The following CCDC88A variants were observed in gnomAD, a reference collection of about 807,000 sequenced individuals.
The protein encoded by CCDC88A is girdin.
A neutral mutation model predicts 234.3 loss-of-function variants in CCDC88A; 54 were observed. The observed-to-expected ratio is 0.23, with a 90% confidence interval of 0.19 to 0.29. CCDC88A has a LOEUF of 0.29. Among genes scored for constraint, CCDC88A ranks in the 10% least tolerant of loss-of-function variants. The probability of loss-of-function intolerance (pLI) is 1.00; values close to 1 mark genes in which losing one functional copy is unlikely to be tolerated. For synonymous variants in CCDC88A, 753 were observed against 737.8 expected (o/e 1.02, Z -0.33); for missense variants, 1,832 against 2,123.4 (o/e 0.86, Z 2.70).
At chr2:55,390,161 G>GT (rs1676414174) in intron 2 of CCDC88A, among the ~76,000 whole-genome samples, 1 of 135,846 alleles carries the variant, frequency 7.4e-6, no homozygotes, top group African/African-American at 2.7e-5. Context: ...TTAGAAAACT[G>GT]AGTGGTATCG....
chr2:55,390,928 C>A (rs1391078929), intron 2 of CCDC88A, among the ~76,000 whole-genome samples: 1 of 152,130 alleles, frequency 6.6e-6, no homozygotes, highest in Non-Finnish European at 1.5e-5. Flanking sequence ...ATGCCTGAGG[C>A]CAGGTATTCA....
intron 5 of CCDC88A, 147 bp downstream of exon 5, chr2:55,372,305 C>T (rs1660750470): frequency 2.0e-6 from 1 of 487,900 alleles, no homozygotes; most frequent in Non-Finnish European, 3.7e-6. Context: ...ATGTAATCTC[C>T]TTAGGAGGTT....
In CCDC88A at chr2:55,334,604, CT is replaced by C; in HGVS notation, c.2216del (p.Lys739ArgfsTer6). On this transcript the variant is annotated frameshift_variant, in exon 15 of 33. Transcript: ENST00000436346. LOFTEE classifies it high-confidence loss of function. The surrounding 1 kb of genome is among the most constrained non-coding windows in gnomAD (Gnocchi z 6.1). ...ELESEKEQLK[K>X]GLELLKASFK... Reference sequence around the variant, plus strand: ...AAGATGCTTTCAGGAGCTCCAAACCCTTCTTAAGTTGCTCTTTTTCACTTTC... The same window carrying C: ...AAGATGCTTTCAGGAGCTCCAAACCCTCTTAAGTTGCTCTTTTTCACTTTC... 6.2e-7 allele frequency: 1 copy of C among 1,613,552 alleles called. No homozygotes were observed. The highest frequency in any genetic ancestry group is 8.5e-7 in the Non-Finnish European group (1 of 1,179,840).
At chr2:55,345,135 A>G (rs536070901) in intron 10 of CCDC88A, among the ~76,000 whole-genome samples, 96 of 152,336 alleles carry the variant, frequency 6.3e-4, no homozygotes, top group African/African-American at 2.3e-3. Flanking sequence ...AGACAGTGGT[A>G]TTCATGAGAA....
rs755554752 is a variant in CCDC88A at position 55,343,651 on chromosome 2, C to T, written c.1330G>A (p.Glu444Lys). 23 of 1,595,906 alleles carry T rather than the reference C, an allele frequency of 1.4e-5. No individual in the cohort carries two copies. Among genetic ancestry groups the T allele is most frequent in the Admixed American group, 1.4e-4 (8 of 55,720 alleles). The change falls in exon 12 of 33, where the codon GAA (glutamate) becomes AAA (lysine). Residue 444 changes from glutamate (E) to lysine (K), a missense_variant. Transcript: ENST00000436346. ...AAATTAAAAAAATTGGGAATACCTT[C>T]GGAAAGTTCACTAGTTCTGGATATC... ...EQISRTSELS[E>K]APQKSLGHEV...
At chr2:55,294,469 T>C (rs1278311702) in intron 31 of CCDC88A, 2 of 863,468 alleles carry the variant, frequency 2.3e-6, no homozygotes, top group African/African-American at 3.7e-5. Context: ...TTAGTTAATA[T>C]TTGTTATATA....
intron 7 of CCDC88A, among the ~76,000 whole-genome samples, chr2:55,357,075 T>C (rs1670678142): frequency 1.3e-5 from 2 of 152,204 alleles, no homozygotes; most frequent in South Asian, 2.1e-4. Context: ...TCTTGAATTA[T>C]GAACAACGGT....
In CCDC88A at chr2:55,384,522, T is replaced by TATATATGCGTATATACAC. The variant is rs1675142952; in HGVS notation, c.273+4255_273+4256insGTGTATATACGCATATAT. Among the ~76,000 whole-genome samples the TATATATGCGTATATACAC allele has an allele frequency of 2.0e-4, 2 of 10,006 alleles. 1 individual carries two copies. Among genetic ancestry groups the TATATATGCGTATATACAC allele is most frequent in the African/African-American group, 8.7e-4 (2 of 2,306 alleles). The allele number at this position is 10,006 out of a possible 152,430, so 6.6% of individuals were successfully genotyped here. ...TATATTGAATATTATATATAAATTA[T>TATATATGCGTATATACAC]ATATATATACATATATACGTATATA... On this transcript the variant is annotated intron_variant, in intron 3 of 32. Transcript: ENST00000436346.
Position 55,344,353 on chromosome 2 carries a change from C to T in CCDC88A, c.1188+15G>A, listed in dbSNP as rs2104723353. On this transcript the variant is annotated intron_variant, in intron 11 of 32. Coordinates refer to ENST00000436346, the MANE Select transcript of CCDC88A (RefSeq NM_001365480.1). ...CCTTAAAGGCCATGTAACTGATCTA[C>T]CTCTTAAAACTTACCATTTCCATAT... 3 of 1,540,278 alleles carry T rather than the reference C, an allele frequency of 1.9e-6. No individual in the cohort carries two copies. The highest frequency in any genetic ancestry group is 2.6e-5 in the South Asian group (2 of 77,924).
intron 31 of CCDC88A, chr2:55,295,259 GGCAGAA>G (rs1182117222): frequency 1.5e-6 from 2 of 1,365,890 alleles, no homozygotes; most frequent in Non-Finnish European, 1.9e-6. Flanking sequence ...TATCCAAAGA[GGCAGAA>G]GCCTGGTCAG....
chr2:55,372,483 A>T lies in CCDC88A; in HGVS notation c.371T>A (p.Leu124Gln). 1.3e-6 allele frequency: 2 copies of T among 1,529,226 alleles called. No homozygotes were observed. The highest frequency in any genetic ancestry group is 1.8e-6 in the Non-Finnish European group (2 of 1,108,182). 94.7% of individuals were successfully genotyped at this position (1,529,226 alleles called of 1,614,324 possible). A position where few individuals can be genotyped will look rare whatever the true frequency, so the allele number is the denominator to read the frequency against. ...SEQGTEEVKK[L>Q]LLLLLGCAVQ... ...TGCACAACCCAATAAAAGTAAAAGC[A>T]GTTTTTTAACTTCTTCTGTGCCTTG... The change falls in exon 5 of 33, where the codon CTG becomes CAG. Residue 124 changes from leucine to glutamine, a missense_variant. Coordinates refer to ENST00000436346, the MANE Select transcript of CCDC88A (RefSeq NM_001365480.1).
chr2:55,298,888 A>C (rs1200020079), intron 29 of CCDC88A, among the ~76,000 whole-genome samples: 1 of 151,410 alleles, frequency 6.6e-6, no homozygotes, highest in East Asian at 1.9e-4. Flanking sequence ...AAAAAAAAAA[A>C]AAAAACACAA....
chr2:55,410,576 C>A (rs1680301794), intron 2 of CCDC88A, among the ~76,000 whole-genome samples: 1 of 152,042 alleles, frequency 6.6e-6, no homozygotes, highest in Non-Finnish European at 1.5e-5. Context: ...GGGTTTTATC[C>A]ACCTATTTTT....
intron 13 of CCDC88A, 74 bp from the exon 14 acceptor site, chr2:55,336,892 A>G (rs1435601759): frequency 1.1e-6 from 1 of 936,748 alleles, no homozygotes; most frequent in East Asian, 2.7e-5. Flanking sequence ...ACAAAACATA[A>G]TCGCTGAATA....
chr2:55,317,346 G>A lies in CCDC88A; in HGVS notation c.3606C>T (p.Tyr1202=), dbSNP rs528868143. The change falls in exon 21 of 33, where the codon TAC becomes TAT. Residue 1202 remains tyrosine (Y), a synonymous_variant. Transcript: ENST00000436346. This position sits in a 1 kb window ranked among gnomAD's most constrained non-coding sequence, Gnocchi z 4.2. ...GTCCTTTCTGTTTTAATAACTGATT[G>A]TAACTGGGGGGAAAAAAGGCATTTG... ...EVEHRDLEDR[Y]NQLLKQKGQL... The A allele has an allele frequency of 1.5e-4, 222 of 1,467,654 alleles. 1 individual carries two copies. The South Asian group carries it at 3.3e-3, about 22-fold the overall frequency. The allele number at this position is 1,467,654 out of a possible 1,614,324, so 90.9% of individuals were successfully genotyped here. A position where few individuals can be genotyped will look rare whatever the true frequency, so the allele number is the denominator to read the frequency against.
Position 55,335,284 on chromosome 2 carries a change from T to G in CCDC88A, c.1657-120A>C, listed in dbSNP as rs1685341837. 1.8e-6 allele frequency: 1 copy of G among 568,074 alleles called. No individual in the cohort carries two copies. Among genetic ancestry groups the G allele is most frequent in the African/African-American group, 1.9e-5 (1 of 51,592 alleles). The allele number at this position is 568,074 out of a possible 1,614,324, so 35.2% of individuals were successfully genotyped here. ...AAAGGGTGCTAGAACATGTCTTACT[T>G]TTAATTCTGACAAGTATTTACTGAA... On this transcript the variant is annotated intron_variant, in intron 14 of 32. Coordinates refer to ENST00000436346, the MANE Select transcript of CCDC88A (RefSeq NM_001365480.1). The surrounding 1 kb of genome is among the most constrained non-coding windows in gnomAD (Gnocchi z 4.5).
At chr2:55,320,712 T>C (rs558957373) in intron 18 of CCDC88A, 15 of 152,322 alleles carry the variant, frequency 9.8e-5, no homozygotes, top group African/African-American at 3.6e-4. Context: ...AATGTGCACA[T>C]GAAAATATTT....
chr2:55,303,677 G>T (rs947319971), intron 25 of CCDC88A, among the ~76,000 whole-genome samples: 1 of 152,064 alleles, frequency 6.6e-6, no homozygotes, highest in Admixed American at 6.5e-5. Context: ...CACCACGCCC[G>T]GCCTGAGGAA....
intron 2 of CCDC88A, among the ~76,000 whole-genome samples, chr2:55,407,150 G>A (rs1679727045): frequency 6.6e-6 from 1 of 151,094 alleles, no homozygotes; most frequent in Admixed American, 6.6e-5. Flanking sequence ...GGAGGTCAAG[G>A]ATGCAGTGAG....
Sources: allele counts gnomAD v4.1 joint callset (sites outside exome capture counted in the v4.1 genomes callset), GRCh38; gene constraint gnomAD v4.1.1; non-coding constraint Gnocchi (gnomAD v3.1); transcripts MANE v1.5; gene names NCBI Gene and HGNC (gene_info 2026-07-23, HGNC 2026-07-21).